SDK1: variants seen among roughly 807,000 people sequenced by gnomAD.
SDK1 encodes sidekick cell adhesion molecule 1, also known as protein sidekick-1.
Under a neutral mutation model 245.5 loss-of-function variants are expected in SDK1, and 157 were observed. The observed-to-expected ratio is 0.64, with a 90% CI of 0.56 to 0.73. The LOEUF is 0.73. SDK1 is among the 30% of genes least tolerant of loss of function. The probability of loss-of-function intolerance (pLI) is 0.00; values close to 1 mark genes in which losing one functional copy is unlikely to be tolerated. For missense variants in SDK1, 3,583 were observed against 3,002.3 expected (o/e 1.19, Z -4.52); for synonymous variants, 1,647 against 1,278.5 (o/e 1.29, Z -6.15).
At chr7:3,309,033 GT>G (rs1196870163) in intron 1 of SDK1, among the ~76,000 whole-genome samples, 6 of 152,120 alleles carry the variant, frequency 3.9e-5, no homozygotes, top group Admixed American at 6.5e-5. Flanking sequence ...ATATATTTCA[GT>G]TTTAGAGTAA....
rs757064493 is a variant in SDK1, at chr7:4,237,725, T to C, written c.6071T>C (p.Leu2024Pro). The C allele has an allele frequency of 6.2e-7, 1 of 1,614,186 alleles. No homozygotes were observed. Among genetic ancestry groups the C allele is most frequent in the Admixed American group, 1.7e-5 (1 of 60,034 alleles). The change falls in exon 42 of 45, where the codon CTG (leucine) becomes CCG (proline). Residue 2024 changes from leucine (L) to proline (P), a missense_variant. Leu to Pro is a moderately conservative substitution (Grantham distance 98, BLOSUM62 -3). Transcript: ENST00000404826. ...MALSSLIVIL[L>P]VVFALVLHGQ... is the part of the protein sequence containing the mutation. ...CTGTCCAGCCTGATCGTCATCCTGC[T>C]GGTGGTGTTCGCCCTCGTCCTGCAC... is the stretch of plus-strand genomic sequence containing the variant.
chr7:3,978,027 A>C (rs73673203), intron 13 of SDK1, among the ~76,000 whole-genome samples: 1 of 151,990 alleles, frequency 6.6e-6, no homozygotes, highest in Non-Finnish European at 1.5e-5. Flanking sequence ...TGAGTACCCA[A>C]AGCCCTCATC....
chr7:4,205,912 C>T lies in SDK1; in HGVS notation c.5132C>T (p.Thr1711Ile), dbSNP rs1207320498. Residue 1711 changes from threonine to isoleucine, a missense_variant, in exon 36 of 45, where the codon ACC becomes ATC. Thr to Ile is a moderately conservative substitution (Grantham distance 89, BLOSUM62 -1). Coordinates refer to ENST00000404826, the MANE Select transcript of SDK1 (RefSeq NM_152744.4). Reference protein sequence around the residue: ...PAMAPQNVQVTPLTASQLEVT... With the variant: ...PAMAPQNVQVIPLTASQLEVT... ...ATGGCCCCGCAGAACGTGCAGGTGA[C>T]CCCACTCACGGCCAGCCAGCTGGAG... 5.1e-6 allele frequency: 8 copies of T among 1,558,534 alleles called. No individual in the cohort carries two copies. Among genetic ancestry groups the T allele is most frequent in the Non-Finnish European group, 5.2e-6 (6 of 1,150,576 alleles).
intron 1 of SDK1, among the ~76,000 whole-genome samples, chr7:3,345,514 C>G (rs1365697844): frequency 6.6e-6 from 1 of 152,056 alleles, no homozygotes; most frequent in Non-Finnish European, 1.5e-5. Context: ...ATTTGCAATG[C>G]CATTTTATTT....
In SDK1 at chr7:4,162,337, G is replaced by GGGT. The variant is rs148422674; in HGVS notation, c.4800+500_4800+502dup. Among the ~76,000 whole-genome samples the GGGT allele has an allele frequency of 5.5e-3, 815 of 148,050 alleles. 4 individuals carry two copies. The highest frequency in any genetic ancestry group is 8.0e-3 in the African/African-American group (322 of 40,124). On this transcript the variant is annotated intron_variant, in intron 32 of 44. Transcript: ENST00000404826. ...ACATATTTTCCCAAAGTCTGGGGGT[G>GGGT]GGTGGTGGTGGTGGTGGTGGTTGTT...
chr7:3,965,867 G>C (rs1253261502), intron 9 of SDK1, among the ~76,000 whole-genome samples: 1 of 151,988 alleles, frequency 6.6e-6, no homozygotes, highest in Non-Finnish European at 1.5e-5. Flanking sequence ...CGCATTGCAT[G>C]GGCTGGAGGG....
chr7:4,212,243 T>C (rs1784549529), intron 38 of SDK1, among the ~76,000 whole-genome samples: 1 of 152,122 alleles, frequency 6.6e-6, no homozygotes, highest in Non-Finnish European at 1.5e-5. Flanking sequence ...ATGAAGAAAA[T>C]TTAAGCACTA....
chr7:3,955,964 G>A (rs1404797374), intron 7 of SDK1, among the ~76,000 whole-genome samples: 1 of 152,162 alleles, frequency 6.6e-6, no homozygotes, highest in South Asian at 2.1e-4. Flanking sequence ...ATGGGCTCTG[G>A]GCCATGTGGA....
At chr7:3,835,291 A>G (rs572338501) in intron 5 of SDK1, among the ~76,000 whole-genome samples, 31 of 152,102 alleles carry the variant, frequency 2.0e-4, no homozygotes, top group African/African-American at 7.2e-4. Context: ...TTATCGACTC[A>G]TGTTTCTTCT....
chr7:3,353,719 C>T (rs1780719935), intron 1 of SDK1, among the ~76,000 whole-genome samples: 1 of 152,142 alleles, frequency 6.6e-6, no homozygotes, highest in African/African-American at 2.4e-5. Flanking sequence ...GATTAACATA[C>T]AAGGATGATA....
rs1292199670 is a variant in SDK1 at position 3,418,145 on chromosome 7, G to GCAA, written c.298+116261_298+116262insCAA. Among the ~76,000 whole-genome samples the GCAA allele has an allele frequency of 4.0e-3, 484 of 119,676 alleles. 11 individuals are homozygous for GCAA. Among genetic ancestry groups the GCAA allele is most frequent in the South Asian group, 0.013 (52 of 3,920 alleles). 78.5% of individuals were successfully genotyped at this position (119,676 alleles called of 152,430 possible). A position where few individuals can be genotyped will look rare whatever the true frequency, so the allele number is the denominator to read the frequency against. On this transcript the variant is annotated intron_variant, in intron 1 of 44. Coordinates refer to ENST00000404826, the MANE Select transcript of SDK1 (RefSeq NM_152744.4). ...GTGAAACCCGATCTCTACTAAAAAT[G>GCAA]AAAAAAAAAAAAAAAAAAAAAAATA...
intron 19 of SDK1, among the ~76,000 whole-genome samples, chr7:4,067,200 C>T (rs778827918): frequency 4.6e-5 from 7 of 152,222 alleles, no homozygotes; most frequent in Non-Finnish European, 1.0e-4. Flanking sequence ...GTCTGACACC[C>T]AGCTTGGACG....
intron 4 of SDK1, among the ~76,000 whole-genome samples, chr7:3,694,507 A>C (rs1435253229): frequency 1.3e-5 from 2 of 152,030 alleles, no homozygotes; most frequent in African/African-American, 4.8e-5. Context: ...ATTAGAAATT[A>C]CACCTCAGTC....
intron 40 of SDK1, 181 bp from the exon 41 acceptor site, chr7:4,233,074 A>C (rs1785898578): frequency 8.6e-6 from 5 of 581,628 alleles, no homozygotes; most frequent in Non-Finnish European, 1.5e-5. Context: ...ATTCATCTCC[A>C]GAACGCTCTT....
chr7:4,210,396 C>G (rs1044551155), intron 38 of SDK1, among the ~76,000 whole-genome samples: 1 of 152,198 alleles, frequency 6.6e-6, no homozygotes, highest in African/African-American at 2.4e-5. Flanking sequence ...CCTCTGTGTT[C>G]TGAGACCAGA....
intron 4 of SDK1, among the ~76,000 whole-genome samples, chr7:3,752,038 ATGAT>A (rs1779789981): frequency 6.6e-6 from 1 of 152,230 alleles, no homozygotes; most frequent in African/African-American, 2.4e-5. Context: ...TTGGCCTTCT[ATGAT>A]TGACATTTCA....
chr7:3,308,137 C>A (rs1329261435), intron 1 of SDK1, among the ~76,000 whole-genome samples: 2 of 151,960 alleles, frequency 1.3e-5, no homozygotes, highest in Non-Finnish European at 2.9e-5. Context: ...CAAATTGGTG[C>A]CATAATTTAT....
chr7:4,110,655 C>T lies in SDK1; in HGVS notation c.3325-8C>T. ...GTCCAGCCCATCTCAGTGTCTCCCT[C>T]TGCACAGGTGGGAGCTATCGGCGAC... On this transcript the variant is annotated splice_polypyrimidine_tract_variant and splice_region_variant and intron_variant, in intron 22 of 44. Coordinates refer to ENST00000404826, the MANE Select transcript of SDK1 (RefSeq NM_152744.4). 1 of 1,599,842 alleles carries T rather than the reference C, an allele frequency of 6.3e-7. No homozygotes were observed. The highest frequency in any genetic ancestry group is 8.6e-7 in the Non-Finnish European group (1 of 1,167,678).
intron 4 of SDK1, among the ~76,000 whole-genome samples, chr7:3,777,529 T>A (rs1363575485): frequency 6.6e-6 from 1 of 152,188 alleles, no homozygotes; most frequent in Non-Finnish European, 1.5e-5. Flanking sequence ...TGTGTCCTTG[T>A]ACTCAGGTTG....
Sources: gnomAD v4.1 joint callset for allele counts (sites outside exome capture counted in the v4.1 genomes callset) on GRCh38, gnomAD v4.1.1 for gene constraint, MANE v1.5 for transcripts, NCBI Gene and HGNC (gene_info 2026-07-23, HGNC 2026-07-21) for gene names.